MACROD2: variants seen among roughly 807,000 people sequenced by gnomAD.
MACROD2 encodes ADP-ribose glycohydrolase MACROD2.
MACROD2 carries 36 observed loss-of-function variants against 70.4 expected under a neutral mutation model. That is an observed-to-expected ratio of 0.51 (90% confidence interval 0.39 to 0.68). The LOEUF (loss-of-function observed/expected upper bound fraction) is 0.68. MACROD2 is among the 30% of genes least tolerant of loss of function. The probability of loss-of-function intolerance (pLI) is 0.00; values close to 1 mark genes in which losing one functional copy is unlikely to be tolerated. For synonymous variants in MACROD2, 172 were observed against 178.8 expected (o/e 0.96, Z 0.30); for missense variants, 496 against 538.4 (o/e 0.92, Z 0.78).
intron 7 of MACROD2, among the ~76,000 whole-genome samples, chr20:15,472,208 ACTAT>A (rs1383055247): frequency 5.9e-5 from 9 of 152,210 alleles, no homozygotes; most frequent in African/African-American, 1.9e-4. Context: ...GTGCTTCAAC[ACTAT>A]CTCTTCTTTT....
At chr20:14,277,108 C>A (rs888354998) in intron 3 of MACROD2, among the ~76,000 whole-genome samples, 2 of 151,808 alleles carry the variant, frequency 1.3e-5, no homozygotes, top group African/African-American at 4.8e-5. Flanking sequence ...TTGAGATCAG[C>A]ATGACTGACA....
At chr20:15,868,420 A>G (rs1470552833) in intron 9 of MACROD2, among the ~76,000 whole-genome samples, 1 of 152,164 alleles carries the variant, frequency 6.6e-6, no homozygotes, top group Non-Finnish European at 1.5e-5. Flanking sequence ...GGTATCATTT[A>G]TCTATTACTG....
At chr20:14,296,665 G>A (rs977487389) in intron 3 of MACROD2, among the ~76,000 whole-genome samples, 4 of 151,936 alleles carry the variant, frequency 2.6e-5, no homozygotes, top group Non-Finnish European at 4.4e-5. Context: ...AATAATTACC[G>A]TAAAAATGGG....
chr20:15,636,102 G>GAAAAAA (rs1239400501), intron 8 of MACROD2, among the ~76,000 whole-genome samples: 1 of 76,944 alleles, frequency 1.3e-5, no homozygotes, highest in South Asian at 5.0e-4. Context: ...AGAAAGAAAA[G>GAAAAAA]AAAAGAAAAA....
intron 7 of MACROD2, among the ~76,000 whole-genome samples, chr20:15,445,677 C>T (rs910001638): frequency 1.3e-5 from 2 of 152,080 alleles, no homozygotes; most frequent in African/African-American, 4.8e-5. Flanking sequence ...GCCCAAAATA[C>T]CCGGAAAGCT....
At chr20:14,199,139 A>G (rs561905971) in intron 3 of MACROD2, among the ~76,000 whole-genome samples, 1 of 152,284 alleles carries the variant, frequency 6.6e-6, no homozygotes, top group Non-Finnish European at 1.5e-5. Flanking sequence ...AAAATTAGTT[A>G]TCATACATAG....
At chr20:14,346,390 G>T (rs923179265) in intron 3 of MACROD2, among the ~76,000 whole-genome samples, 1 of 151,826 alleles carries the variant, frequency 6.6e-6, no homozygotes, top group African/African-American at 2.4e-5. Flanking sequence ...TTTTCCCTTG[G>T]CTTCTTTGCT....
intron 8 of MACROD2, among the ~76,000 whole-genome samples, chr20:15,582,253 A>G (rs1176371378): frequency 6.6e-6 from 1 of 152,150 alleles, no homozygotes; most frequent in Non-Finnish European, 1.5e-5. Context: ...CCAATCAAGA[A>G]TGCCAGGTCT....
intron 8 of MACROD2, among the ~76,000 whole-genome samples, chr20:15,654,881 C>A (rs2049703793): frequency 6.6e-6 from 1 of 152,160 alleles, no homozygotes; most frequent in Middle Eastern, 3.4e-3. Flanking sequence ...CCCATGCTTT[C>A]CCCCATATAG....
intron 10 of MACROD2, among the ~76,000 whole-genome samples, chr20:15,929,458 A>G (rs1056720475): frequency 7.1e-4 from 108 of 152,244 alleles, no homozygotes; most frequent in African/African-American, 2.5e-3. Flanking sequence ...ACATATACAC[A>G]CAATCTTATT....
intron 5 of MACROD2, among the ~76,000 whole-genome samples, chr20:15,081,992 G>A (rs1051901466): frequency 2.6e-5 from 4 of 152,202 alleles, no homozygotes; most frequent in Admixed American, 6.5e-5. Flanking sequence ...TCATGCCTGG[G>A]AGGCGTGGAC....
intron 10 of MACROD2, among the ~76,000 whole-genome samples, chr20:15,916,128 G>C (rs1251710481): frequency 6.6e-6 from 1 of 152,130 alleles, no homozygotes; most frequent in African/African-American, 2.4e-5. Flanking sequence ...CATATTTGTG[G>C]AGCCTGCTTA....
intron 5 of MACROD2, among the ~76,000 whole-genome samples, chr20:15,194,136 C>T (rs905622577): frequency 6.8e-6 from 1 of 146,044 alleles, no homozygotes; most frequent in Non-Finnish European, 1.5e-5. Flanking sequence ...ATCCCTGCTA[C>T]TTGGGAGGCT....
intron 6 of MACROD2, among the ~76,000 whole-genome samples, chr20:15,429,691 A>G (rs1421147122): frequency 1.3e-5 from 2 of 152,164 alleles, no homozygotes; most frequent in African/African-American, 2.4e-5. Context: ...ATTATGGTCC[A>G]TAGCAGCTGC....
chr20:14,279,813 T>C (rs1221941853), intron 3 of MACROD2, among the ~76,000 whole-genome samples: 3 of 152,182 alleles, frequency 2.0e-5, no homozygotes, highest in African/African-American at 4.8e-5. Context: ...AAATGAATGG[T>C]GTGGTACATG....
At chr20:14,876,173 G>T (rs1490231816) in intron 5 of MACROD2, among the ~76,000 whole-genome samples, 1 of 152,088 alleles carries the variant, frequency 6.6e-6, no homozygotes, top group Non-Finnish European at 1.5e-5. Flanking sequence ...ATTCTGACTG[G>T]TGTGAAATGG....
intron 8 of MACROD2, among the ~76,000 whole-genome samples, chr20:15,662,507 C>G (rs569289257): frequency 6.6e-6 from 1 of 152,046 alleles, no homozygotes; most frequent in African/African-American, 2.4e-5. Context: ...CTACTCTTGT[C>G]TCTTATTTTG....
intron 3 of MACROD2, among the ~76,000 whole-genome samples, chr20:14,100,119 A>G (rs1050149105): frequency 2.0e-5 from 3 of 152,042 alleles, no homozygotes. Flanking sequence ...TGAAGGTAAT[A>G]CTATTATTAT....
intron 6 of MACROD2, among the ~76,000 whole-genome samples, chr20:15,276,562 A>C (rs1212560608): frequency 6.6e-6 from 1 of 152,198 alleles, no homozygotes; most frequent in African/African-American, 2.4e-5. Flanking sequence ...TCAGGAGGCT[A>C]CACAAAAACT....
Sources: allele counts gnomAD v4.1 joint callset (sites outside exome capture counted in the v4.1 genomes callset), GRCh38; gene constraint gnomAD v4.1.1; transcripts MANE v1.5; gene names NCBI Gene and HGNC (gene_info 2026-07-23, HGNC 2026-07-21).